The following COMMD7 variants were observed in gnomAD, a reference collection of about 807,000 sequenced individuals.
The protein encoded by COMMD7 is COMM domain-containing protein 7.
In COMMD7, 28 loss-of-function variants were observed where a neutral mutation model predicts 34.8. That is an observed-to-expected ratio of 0.80 (90% confidence interval 0.60 to 1.10). The LOEUF (loss-of-function observed/expected upper bound fraction) is 1.10. Among genes scored for constraint, COMMD7 ranks in the 50% least tolerant of loss-of-function variants. COMMD7 has a pLI of 0.00. For missense variants in COMMD7, 211 were observed against 241.6 expected, an observed-to-expected ratio of 0.87 and a Z score of 0.84; for synonymous variants, 80 against 86.4, an observed-to-expected ratio of 0.93 and a Z score of 0.41.
chr20:32,718,209 C>A (rs1037762467), intron 3 of COMMD7, among the ~76,000 whole-genome samples: 1 of 150,578 alleles, frequency 6.6e-6, no homozygotes, highest in African/African-American at 2.5e-5. Context: ...TCGAGACCAT[C>A]CTGGCTAACA....
chr20:32,730,878 A>AT (rs1985797334), intron 1 of COMMD7, among the ~76,000 whole-genome samples: 1 of 152,148 alleles, frequency 6.6e-6, no homozygotes, highest in Admixed American at 6.6e-5. Flanking sequence ...GAAGCAATAT[A>AT]TAAAAAAAGA....
chr20:32,732,030 T>C (rs1985866693), intron 1 of COMMD7, among the ~76,000 whole-genome samples: 1 of 152,206 alleles, frequency 6.6e-6, no homozygotes, highest in Admixed American at 6.6e-5. Flanking sequence ...CCTGCATGAC[T>C]GATAATAGGA....
chr20:32,727,380 T>TA (rs1296869968), intron 3 of COMMD7, among the ~76,000 whole-genome samples: 2 of 151,006 alleles, frequency 1.3e-5, no homozygotes, highest in East Asian at 1.9e-4. Context: ...CTACTAAAAA[T>TA]AAAAAAATTA....
chr20:32,735,651 A>G (rs1409714451), intron 1 of COMMD7, among the ~76,000 whole-genome samples: 1 of 152,074 alleles, frequency 6.6e-6, no homozygotes, highest in East Asian at 1.9e-4. Context: ...TGGAGATAAG[A>G]AAAATAAACA....
At chr20:32,717,413 C>T (rs182876648) in intron 3 of COMMD7, among the ~76,000 whole-genome samples, 104 of 151,856 alleles carry the variant, frequency 6.8e-4, no homozygotes, top group Admixed American at 1.4e-3. Flanking sequence ...GCAACATCTG[C>T]CTCCCAGGTT....
chr20:32,721,545 G>C (rs1985156713), intron 3 of COMMD7, among the ~76,000 whole-genome samples: 1 of 151,738 alleles, frequency 6.6e-6, no homozygotes, highest in Admixed American at 6.6e-5. Flanking sequence ...AAAAGTTCAA[G>C]ACCAGCCTGG....
intron 3 of COMMD7, among the ~76,000 whole-genome samples, chr20:32,707,898 G>A (rs1195624464): frequency 1.3e-5 from 2 of 151,970 alleles, no homozygotes; most frequent in Admixed American, 6.6e-5. Context: ...CCATTCCTCA[G>A]TCTCACTAGC....
At chr20:32,712,875 C>T (rs28437232) in intron 3 of COMMD7, among the ~76,000 whole-genome samples, 103,558 of 149,438 alleles carry the variant, frequency 0.69, 36,521 homozygotes, top group Middle Eastern at 0.82. Flanking sequence ...CCTCACCCTC[C>T]CAAGCAGCTG....
intron 1 of COMMD7, among the ~76,000 whole-genome samples, chr20:32,738,288 G>A (rs926551994): frequency 3.4e-4 from 51 of 152,090 alleles, no homozygotes; most frequent in African/African-American, 1.2e-3. Context: ...ACCACTCTCA[G>A]CTAATTTTTA....
intron 3 of COMMD7, among the ~76,000 whole-genome samples, chr20:32,712,421 T>C (rs1399705648): frequency 3.3e-5 from 5 of 151,340 alleles, no homozygotes; most frequent in Non-Finnish European, 7.4e-5. Flanking sequence ...GGCAGGAGAA[T>C]TGCTTGAACC....
chr20:32,709,450 G>A (rs1984291671), intron 3 of COMMD7, among the ~76,000 whole-genome samples: 1 of 151,846 alleles, frequency 6.6e-6, no homozygotes, highest in South Asian at 2.1e-4. Context: ...AGCCAGGAGG[G>A]TGAGGCAGGA....
rs750110988 is a variant in COMMD7, at chr20:32,704,447, AAT to A, written c.468_469del (p.Leu158ThrfsTer7). 1.9e-6 allele frequency: 3 copies of A among 1,611,364 alleles called. No homozygotes were observed. In the African/African-American group the frequency reaches 4.0e-5, roughly 22 times the overall value. The stretch of plus-strand genomic sequence containing the variant: ...GATCAGGAGAAGACTTACTTGTAAA[AAT>A]ATACTTCCCACTTTCTCCAATTCGC... On this transcript the variant is annotated frameshift_variant, in exon 7 of 9. Coordinates refer to ENST00000278980, the MANE Select transcript of COMMD7 (RefSeq NM_053041.3). LOFTEE classifies it high-confidence loss of function.
In COMMD7 at chr20:32,703,451, G is replaced by C. The variant is rs1983868300; in HGVS notation, c.534C>G (p.Thr178=). ...GCAGGAAGCTGTAGAACTGAGGCAAGGTTAATTCTGGGGAGAGAAAATTCA... is the reference window on the plus strand; with the variant it reads ...GCAGGAAGCTGTAGAACTGAGGCAACGTTAATTCTGGGGAGAGAAAATTCA... The part of the protein sequence containing the change: ...NQTENVYIEL[T]LPQFYSFLHE... The change falls in exon 9 of 9, where the codon ACC becomes ACG. Residue 178 remains threonine, a synonymous_variant. Transcript: ENST00000278980. The C allele has an allele frequency of 6.2e-7, 1 of 1,613,508 alleles. No homozygotes were observed. Among genetic ancestry groups the C allele is most frequent in the Non-Finnish European group, 8.5e-7 (1 of 1,179,842 alleles).
intron 5 of COMMD7, among the ~76,000 whole-genome samples, chr20:32,705,518 C>T (rs184176950): frequency 1.2e-3 from 177 of 151,908 alleles, no homozygotes; most frequent in African/African-American, 4.1e-3. Flanking sequence ...GGACCACAGG[C>T]GCCCACCACC....
chr20:32,710,500 G>A (rs909796086), intron 3 of COMMD7, among the ~76,000 whole-genome samples: 29 of 152,194 alleles, frequency 1.9e-4, no homozygotes, highest in African/African-American at 6.7e-4. Context: ...GGGAGGCTGA[G>A]GTGGGAGGAT....
chr20:32,735,569 G>A lies in COMMD7; in HGVS notation c.85-7427C>T, dbSNP rs541028553. The stretch of plus-strand genomic sequence containing the variant: ...TGGCCTGAAGTGATCCACCTGCCTC[G>A]GCTTCCCAAAGTGGTTGGATTACAG... On this transcript the variant is annotated intron_variant, in intron 1 of 8. Coordinates refer to ENST00000278980, the MANE Select transcript of COMMD7 (RefSeq NM_053041.3). Among the ~76,000 whole-genome samples, 6 of 152,214 alleles carry A rather than the reference G, an allele frequency of 3.9e-5. No homozygotes were observed. The South Asian group carries it at 8.3e-4, about 21-fold the overall frequency.
intron 3 of COMMD7, among the ~76,000 whole-genome samples, chr20:32,725,465 G>C (rs1312975789): frequency 7.7e-6 from 1 of 129,330 alleles, no homozygotes; most frequent in Admixed American, 9.1e-5. Flanking sequence ...GTGTTGCTCC[G>C]TCGCCCAGGC....
At chr20:32,741,353 G>T (rs1986433019) in intron 1 of COMMD7, among the ~76,000 whole-genome samples, 1 of 149,640 alleles carries the variant, frequency 6.7e-6, no homozygotes, top group South Asian at 2.3e-4. Flanking sequence ...AAGTAGCTGG[G>T]ACTACTGTGG....
intron 3 of COMMD7, among the ~76,000 whole-genome samples, chr20:32,710,070 A>G (rs73251858): frequency 0.016 from 2,497 of 151,698 alleles, 68 homozygotes; most frequent in African/African-American, 0.057. Context: ...TTCTAGAGAT[A>G]GAGTCTCACT....
Sources: allele counts gnomAD v4.1 joint callset (sites outside exome capture counted in the v4.1 genomes callset), GRCh38; gene constraint gnomAD v4.1.1; transcripts MANE v1.5; gene names NCBI Gene and HGNC (gene_info 2026-07-23, HGNC 2026-07-21).